The following CAST variants were observed in gnomAD, a reference collection of about 807,000 sequenced individuals.
CAST encodes MIR583 host.
CAST carries 76 observed loss-of-function variants against 119.6 expected under a neutral mutation model. The observed-to-expected ratio is 0.64, with a 90% confidence interval of 0.53 to 0.77. The LOEUF (loss-of-function observed/expected upper bound fraction) is 0.77. Ranked by LOEUF, CAST falls within the 30% of genes least tolerant of loss-of-function variation. CAST has a pLI of 0.00. For synonymous variants in CAST, 319 were observed against 331.6 expected (o/e 0.96, Z 0.41); for missense variants, 953 against 946.5 (o/e 1.01, Z -0.09).
the CAST span, among the ~76,000 whole-genome samples, chr5:96,519,603 C>T: frequency 5.3e-5 from 8 of 152,094 alleles, no homozygotes. Flanking sequence ...CCACACCTAG[C>T]TCCGTCTTAC....
the CAST span, chr5:96,432,808 A>C: frequency 6.1e-6 from 9 of 1,468,360 alleles, no homozygotes; most frequent in South Asian, 1.0e-4. Flanking sequence ...ACCGCGCTCC[A>C]GTCCCGCCAG....
At chr5:96,652,777 A>T (rs1415824713) in intron 1 of CAST, among the ~76,000 whole-genome samples, 1 of 152,234 alleles carries the variant, frequency 6.6e-6, no homozygotes, top group Non-Finnish European at 1.5e-5. Context: ...ATCCCAGGAA[A>T]AACAGAGCTC....
In CAST at chr5:96,675,616, A is replaced by G. The variant is rs1750609552; in HGVS notation, c.138+15A>G. ...GATCAGATGAGGTAATTTCCACAAT[A>G]CTGGGCTTTCATTTTCTCTTGCTTT... On this transcript the variant is annotated intron_variant, in intron 2 of 31. Transcript: ENST00000675179. 5 of 1,577,626 alleles carry G rather than the reference A, an allele frequency of 3.2e-6. No individual in the cohort carries two copies. The highest frequency in any genetic ancestry group is 1.1e-5 in the South Asian group (1 of 88,128).
chr5:96,425,729 A>C, the CAST span: 5 of 19,024 alleles, frequency 2.6e-4, no homozygotes, highest in East Asian at 4.9e-3. Flanking sequence ...TCTCCATCAT[A>C]AAAAAAAAAA....
the CAST span, among the ~76,000 whole-genome samples, chr5:96,351,156 A>G: frequency 3.0e-3 from 458 of 152,260 alleles, 3 homozygotes; most frequent in Admixed American, 7.9e-3. Flanking sequence ...AATTTCTTCT[A>G]TTACTAGGGA....
At chr5:95,975,075 T>C in the CAST span, among the ~76,000 whole-genome samples, 1 of 152,098 alleles carries the variant, frequency 6.6e-6, no homozygotes, top group African/African-American at 2.4e-5. Flanking sequence ...AAGGGGAGCC[T>C]ATTACCAGCA....
At chr5:96,468,127 A>T in the CAST span, among the ~76,000 whole-genome samples, 4 of 152,064 alleles carry the variant, frequency 2.6e-5, no homozygotes, top group African/African-American at 9.7e-5. Flanking sequence ...GTAACTCAAG[A>T]ATGAAAAACC....
the CAST span, among the ~76,000 whole-genome samples, chr5:96,480,345 T>C: frequency 2.0e-5 from 3 of 152,168 alleles, no homozygotes; most frequent in African/African-American, 7.2e-5. Flanking sequence ...GTAATCTGTT[T>C]TGAATTATTA....
At chr5:96,617,040 A>G (rs545596341) in intron 1 of CAST, among the ~76,000 whole-genome samples, 95 of 152,120 alleles carry the variant, frequency 6.2e-4, no homozygotes, top group Non-Finnish European at 1.2e-3. Context: ...CATCAAGGCC[A>G]TTGCTTGAAT....
At chr5:96,262,590 T>C in the CAST span, among the ~76,000 whole-genome samples, 3 of 152,124 alleles carry the variant, frequency 2.0e-5, no homozygotes, top group African/African-American at 2.4e-5. Context: ...AGTGCAGTGG[T>C]GCAATCTCGG....
chr5:96,527,653 C>T (rs192168587), upstream of CAST, among the ~76,000 whole-genome samples: 5 of 152,230 alleles, frequency 3.3e-5, no homozygotes, highest in African/African-American at 1.2e-4. Flanking sequence ...ATAGTAATAG[C>T]AACAATAATA....
At chr5:96,458,533 A>T in the CAST span, among the ~76,000 whole-genome samples, 1 of 152,178 alleles carries the variant, frequency 6.6e-6, no homozygotes, top group African/African-American at 2.4e-5. Flanking sequence ...ATCACCCACC[A>T]CAATTTAATA....
In CAST at chr5:96,618,801, G is replaced by A. The variant is rs532742201; in HGVS notation, c.61-56738G>A. ...ACCATGCCCGAGCCTCCCCCACCCCGTGGGCTCCCGGGGGACCTGAGCCTC... is the reference window on the plus strand; with the variant it reads ...ACCATGCCCGAGCCTCCCCCACCCCATGGGCTCCCGGGGGACCTGAGCCTC... On this transcript the variant is annotated intron_variant, in intron 1 of 11. Transcript: ENST00000505143. Among the ~76,000 whole-genome samples the A allele has an allele frequency of 1.1e-3, 161 of 152,294 alleles. 1 individual carries two copies. The highest frequency in any genetic ancestry group is 3.5e-3 in the Admixed American group (54 of 15,306).
At chr5:96,125,449 G>A in the CAST span, among the ~76,000 whole-genome samples, 1 of 152,258 alleles carries the variant, frequency 6.6e-6, no homozygotes, top group African/African-American at 2.4e-5. Context: ...GTGAGGCATT[G>A]GATCAGATGT....
chr5:96,394,756 C>T, the CAST span: 1 of 924,238 alleles, frequency 1.1e-6, no homozygotes, highest in South Asian at 1.3e-5. Flanking sequence ...CTTATCCTCC[C>T]CATCCATGTT....
chr5:96,236,596 A>G, the CAST span, among the ~76,000 whole-genome samples: 1 of 152,242 alleles, frequency 6.6e-6, no homozygotes, highest in Non-Finnish European at 1.5e-5. Context: ...GAAAGACTAT[A>G]CAAATCATTC....
At chr5:96,376,739 C>A in the CAST span, among the ~76,000 whole-genome samples, 1 of 152,124 alleles carries the variant, frequency 6.6e-6, no homozygotes, top group Non-Finnish European at 1.5e-5. Context: ...CATACCCAGC[C>A]CCATACTATA....
chr5:96,539,224 G>C (rs1028130944), intron 1 of CAST, among the ~76,000 whole-genome samples: 1 of 152,146 alleles, frequency 6.6e-6, no homozygotes, highest in African/African-American at 2.4e-5. Context: ...AAACTTAAGA[G>C]TCAAAGTCTT....
chr5:96,552,025 C>T (rs1746140166), intron 1 of CAST, among the ~76,000 whole-genome samples: 1 of 152,184 alleles, frequency 6.6e-6, no homozygotes, highest in South Asian at 2.1e-4. Context: ...AGAAAATTAA[C>T]AGGGATATCC....
Sources: gnomAD v4.1 joint callset for allele counts (sites outside exome capture counted in the v4.1 genomes callset) on GRCh38, gnomAD v4.1.1 for gene constraint, MANE v1.5 for transcripts, NCBI Gene and HGNC (gene_info 2026-07-23, HGNC 2026-07-21) for gene names.